Variants in PIWIL2 observed in about 807,000 individuals in gnomAD.
PIWIL2 encodes the protein piwi like RNA-mediated gene silencing 2.
In PIWIL2, 81 loss-of-function variants were observed where a neutral mutation model predicts 116.5. The observed-to-expected ratio is 0.70, with a 90% CI of 0.58 to 0.84. The LOEUF is 0.84. PIWIL2 is among the 40% of genes least tolerant of loss of function. PIWIL2 has a pLI of 0.00. For synonymous variants in PIWIL2, 489 were observed against 429.5 expected, an observed-to-expected ratio of 1.14 and a Z score of -1.71; for missense variants, 1,272 against 1,212.3, an observed-to-expected ratio of 1.05 and a Z score of -0.73.
chr8:22,299,167 AT>A (rs1224356014), intron 10 of PIWIL2, among the ~76,000 whole-genome samples: 3 of 150,402 alleles, frequency 2.0e-5, no homozygotes, highest in Non-Finnish European at 4.4e-5. Context: ...ATTTTCTAAA[AT>A]TGGCTAGCAA....
chr8:22,300,270 C>T (rs1299052496), intron 10 of PIWIL2, among the ~76,000 whole-genome samples: 1 of 152,022 alleles, frequency 6.6e-6, no homozygotes, highest in Non-Finnish European at 1.5e-5. Flanking sequence ...CACCTGCCTG[C>T]CTGCTATTGT....
At chr8:22,335,196 G>T (rs186462785) in intron 20 of PIWIL2, among the ~76,000 whole-genome samples, 1 of 151,968 alleles carries the variant, frequency 6.6e-6, no homozygotes, top group Non-Finnish European at 1.5e-5. Flanking sequence ...TGGAAAAATA[G>T]AAGAATGACA....
intron 20 of PIWIL2, among the ~76,000 whole-genome samples, chr8:22,335,274 A>G (rs893267642): frequency 6.6e-6 from 1 of 152,100 alleles, no homozygotes; most frequent in Non-Finnish European, 1.5e-5. Context: ...TAATAATTAC[A>G]TTAAGTGTAA....
intron 6 of PIWIL2, among the ~76,000 whole-genome samples, chr8:22,286,350 C>T (rs1232633307): frequency 2.0e-5 from 3 of 152,206 alleles, no homozygotes; most frequent in Non-Finnish European, 2.9e-5. Flanking sequence ...TAGAAGGCAA[C>T]AGGATTGCTG....
chr8:22,301,466 G>A (rs561711510), intron 10 of PIWIL2, among the ~76,000 whole-genome samples: 1 of 151,324 alleles, frequency 6.6e-6, no homozygotes, highest in Non-Finnish European at 1.5e-5. Context: ...TGGCTGTTTT[G>A]TACTTTTAGT....
At chr8:22,306,070 G>A in intron 13 of PIWIL2, 54 bp downstream of exon 13, 1 of 1,288,444 alleles carries the variant, frequency 7.8e-7, no homozygotes, top group Non-Finnish European at 1.1e-6. Context: ...GCAGCCTTTT[G>A]GTTAACAGTT....
At chr8:22,350,600 AAAAT>A (rs1306638807) in intron 20 of PIWIL2, among the ~76,000 whole-genome samples, 6 of 152,174 alleles carry the variant, frequency 3.9e-5, no homozygotes, top group African/African-American at 1.4e-4. Context: ...CCATCTCAAA[AAAAT>A]AAATAAAAAG....
At chr8:22,354,805 C>T (rs143157101) in intron 22 of PIWIL2, among the ~76,000 whole-genome samples, 195 of 152,344 alleles carry the variant, frequency 1.3e-3, no homozygotes, top group Non-Finnish European at 2.0e-3. Context: ...TGCGGTGGCT[C>T]ACGCCTATAA....
rs1832463192 is a variant in PIWIL2 at position 22,355,252 on chromosome 8, T to C, written c.2766-97T>C. On this transcript the variant is annotated intron_variant, in intron 22 of 22. Transcript: ENST00000356766. ...CTGCTCCCCAGTTTTCAGGAAGGTG[T>C]GCTCTGTGTCATATCCCCGTGACTA... is the stretch of plus-strand genomic sequence containing the variant. 7 of 1,164,286 alleles carry C rather than the reference T, an allele frequency of 6.0e-6. No individual in the cohort carries two copies. The South Asian group carries it at 9.5e-5, about 16-fold the overall frequency. 72.1% of individuals were successfully genotyped at this position (1,164,286 alleles called of 1,614,324 possible). A position where few individuals can be genotyped will look rare whatever the true frequency, so the allele number is the denominator to read the frequency against.
At chr8:22,309,822 A>G in intron 14 of PIWIL2, 139 bp from the exon 15 acceptor site, 1 of 551,428 alleles carries the variant, frequency 1.8e-6, no homozygotes, top group Non-Finnish European at 3.3e-6. Context: ...TAGAAGCTTT[A>G]TTATTCTGCT....
At chr8:22,290,687 AG>A (rs1172648232) in intron 10 of PIWIL2, among the ~76,000 whole-genome samples, 1 of 147,626 alleles carries the variant, frequency 6.8e-6, no homozygotes, top group African/African-American at 2.5e-5. Flanking sequence ...CCTGGCTTCA[AG>A]GGATCCTCCT....
chr8:22,317,486 G>T (rs905121978), intron 19 of PIWIL2, among the ~76,000 whole-genome samples: 1 of 151,754 alleles, frequency 6.6e-6, no homozygotes, highest in Non-Finnish European at 1.5e-5. Flanking sequence ...ACATTTTCCT[G>T]TATCATTACA....
At chr8:22,336,605 G>A (rs190522802) in intron 20 of PIWIL2, among the ~76,000 whole-genome samples, 78 of 152,136 alleles carry the variant, frequency 5.1e-4, no homozygotes, top group Non-Finnish European at 9.1e-4. Flanking sequence ...GGAGAAGGAA[G>A]GAAATAATAG....
chr8:22,287,952 C>T (rs1830667166), intron 7 of PIWIL2, among the ~76,000 whole-genome samples: 1 of 152,184 alleles, frequency 6.6e-6, no homozygotes, highest in Admixed American at 6.5e-5. Context: ...CACCTTCTCA[C>T]ATGAGAGGAA....
rs1831036737 is a variant in PIWIL2, at chr8:22,301,105, G to C, written c.1182-2916G>C. On this transcript the variant is annotated intron_variant, in intron 10 of 22. Transcript: ENST00000356766. ...AGCAGTCCTCTCACCTCACCCTCCT[G>C]AGTAGCTGTGACTACAGGCATGCAC... Among the ~76,000 whole-genome samples, 4 of 151,730 alleles carry C rather than the reference G, an allele frequency of 2.6e-5. No homozygotes were observed. In the South Asian group the frequency reaches 8.4e-4, roughly 32 times the overall value.
intron 20 of PIWIL2, among the ~76,000 whole-genome samples, chr8:22,344,530 C>T (rs1832181763): frequency 6.6e-6 from 1 of 152,016 alleles, no homozygotes; most frequent in African/African-American, 2.4e-5. Context: ...TAAAAACATA[C>T]AGACACACAA....
rs758723800 is a variant in PIWIL2, at chr8:22,307,979, C to T, written c.1592C>T (p.Ala531Val). The change falls in exon 14 of 23, where the codon GCT becomes GTT. Residue 531 changes from alanine to valine, a missense_variant. Physicochemically the swap from Ala to Val is moderately conservative, Grantham distance 64. Transcript: ENST00000356766. The stretch of plus-strand genomic sequence containing the variant: ...CTGAGCCCCAAGCAACACCATAGTG[C>T]TTTGGAATGCTTGCTGCAAAGAATT... ...INLSPKQHHSALECLLQRIAK... is the reference protein window; with the variant it reads ...INLSPKQHHSVLECLLQRIAK... 1 of 1,613,378 alleles carries T rather than the reference C, an allele frequency of 6.2e-7. No homozygotes were observed. The highest frequency in any genetic ancestry group is 1.3e-5 in the African/African-American group (1 of 75,040).
chr8:22,329,955 T>C (rs1387342484), intron 20 of PIWIL2, among the ~76,000 whole-genome samples: 1 of 152,176 alleles, frequency 6.6e-6, no homozygotes, highest in Non-Finnish European at 1.5e-5. Flanking sequence ...TCCCTTAGGC[T>C]TTGGGGATGT....
At chr8:22,282,123 C>T (rs1041133410) in intron 4 of PIWIL2, among the ~76,000 whole-genome samples, 2 of 141,924 alleles carry the variant, frequency 1.4e-5, no homozygotes, top group Non-Finnish European at 3.0e-5. Context: ...CTGTGTTGAC[C>T]GGGCTGGAAT....
Sources: gnomAD v4.1 joint callset for allele counts (sites outside exome capture counted in the v4.1 genomes callset) on GRCh38, gnomAD v4.1.1 for gene constraint, MANE v1.5 for transcripts, NCBI Gene and HGNC (gene_info 2026-07-23, HGNC 2026-07-21) for gene names.